The following CWF19L2 variants were observed in gnomAD, a reference collection of about 807,000 sequenced individuals.
CWF19L2 encodes CWF19 like cell cycle control factor 2.
CWF19L2 carries 98 observed loss-of-function variants against 111.7 expected under a neutral mutation model. The observed-to-expected ratio is 0.88, with a 90% confidence interval of 0.75 to 1.04. The LOEUF is 1.04. Ranked by LOEUF, CWF19L2 falls within the 50% of genes least tolerant of loss-of-function variation. The pLI, the probability that CWF19L2 is intolerant of heterozygous loss-of-function variation, is 0.00. For missense variants in CWF19L2, 1,101 were observed against 1,051.4 expected (o/e 1.05, Z -0.65); for synonymous variants, 351 against 342.9 (o/e 1.02, Z -0.26).
intron 8 of CWF19L2, among the ~76,000 whole-genome samples, chr11:107,428,040 T>C (rs1416993289): frequency 6.6e-6 from 1 of 152,106 alleles, no homozygotes; most frequent in Non-Finnish European, 1.5e-5. Context: ...TCCCACTCAT[T>C]TGGTGCTATT....
chr11:107,400,198 A>G (rs1283420542), intron 10 of CWF19L2, among the ~76,000 whole-genome samples: 1 of 152,104 alleles, frequency 6.6e-6, no homozygotes, highest in Non-Finnish European at 1.5e-5. Context: ...ACCCAGCAGA[A>G]AAAATGAAAT....
At chr11:107,445,548 G>A (rs1211040246) in intron 3 of CWF19L2, among the ~76,000 whole-genome samples, 3 of 151,290 alleles carry the variant, frequency 2.0e-5, no homozygotes, top group Non-Finnish European at 4.4e-5. Flanking sequence ...GGGTTGTGGT[G>A]AGCCAAGATC....
intron 12 of CWF19L2, among the ~76,000 whole-genome samples, chr11:107,358,854 G>T (rs571143239): frequency 6.6e-6 from 1 of 152,296 alleles, no homozygotes; most frequent in Non-Finnish European, 1.5e-5. Flanking sequence ...GCTGGTGTCA[G>T]GAGTAAAGCT....
rs764184596 is a variant in CWF19L2, at chr11:107,429,194, C to T, written c.1038G>A (p.Thr346=). The part of the protein sequence containing the change: ...EKDKRPGSLE[T]CRRESNPRQN... ...GCCTTGGGTTAGATTCTCTTCTACACGTTTCTAAAGACCCAGGTCTCTTAT... is the reference window on the plus strand; with the variant it reads ...GCCTTGGGTTAGATTCTCTTCTACATGTTTCTAAAGACCCAGGTCTCTTAT... The change falls in exon 8 of 18, where the codon ACG becomes ACA. Residue 346 remains threonine, a synonymous_variant. Coordinates refer to ENST00000282251, the MANE Select transcript of CWF19L2 (RefSeq NM_152434.3). The T allele has an allele frequency of 5.5e-5, 89 of 1,613,602 alleles. No homozygotes were observed. The highest frequency in any genetic ancestry group is 2.7e-4 in the East Asian group (12 of 44,876).
chr11:107,354,218 T>G lies in CWF19L2; in HGVS notation c.1873-482A>C, dbSNP rs149493975. On this transcript the variant is annotated intron_variant, in intron 12 of 17. Transcript: ENST00000282251. ...ACACAAATTTTATTTTCTTATTTTA[T>G]GTACCTCCTTAGGTAGTTATGAGAG... 6.6e-4 allele frequency among the ~76,000 whole-genome samples: 100 copies of G among 152,282 alleles called. 2 individuals are homozygous for G. In the East Asian group the frequency reaches 0.018, roughly 27 times the overall value.
At chr11:107,399,175 C>T (rs1289062813) in intron 10 of CWF19L2, among the ~76,000 whole-genome samples, 1 of 152,136 alleles carries the variant, frequency 6.6e-6, no homozygotes, top group Non-Finnish European at 1.5e-5. Flanking sequence ...CAAAAGTACA[C>T]AGGCAACAAA....
chr11:107,410,584 C>T (rs143779912), intron 10 of CWF19L2, among the ~76,000 whole-genome samples: 1 of 152,208 alleles, frequency 6.6e-6, no homozygotes, highest in Non-Finnish European at 1.5e-5. Context: ...TATGATACTT[C>T]GAATACTAAT....
chr11:107,353,706 TG>T lies in CWF19L2; in HGVS notation c.1902del (p.Tyr634Ter). 6.2e-7 allele frequency: 1 copy of T among 1,613,730 alleles called. No individual in the cohort carries two copies. Among genetic ancestry groups the T allele is most frequent in the Non-Finnish European group, 8.5e-7 (1 of 1,179,732 alleles). ...KFMGKTDGDY[Y>X]TLDDMFVSKA... Reference sequence around the variant, plus strand: ...TTGGAGACAAACATGTCATCCAGGGTGTAATAGTCTCCATCTGTTTTTCCCA... The same window carrying T: ...TTGGAGACAAACATGTCATCCAGGGTTAATAGTCTCCATCTGTTTTTCCCA... On this transcript the variant is annotated frameshift_variant, in exon 13 of 18. Transcript: ENST00000282251. LOFTEE classifies it high-confidence loss of function.
chr11:107,340,631 ATTC>A (rs1859992675), intron 14 of CWF19L2, among the ~76,000 whole-genome samples: 1 of 152,206 alleles, frequency 6.6e-6, no homozygotes, highest in Admixed American at 6.5e-5. Context: ...TTGCAACTGT[ATTC>A]TTCTTGTTCA....
chr11:107,435,380 C>A (rs760392792), intron 6 of CWF19L2, among the ~76,000 whole-genome samples: 1 of 151,948 alleles, frequency 6.6e-6, no homozygotes, highest in South Asian at 2.1e-4. Context: ...GTAATAAATA[C>A]CTATATGAAT....
intron 12 of CWF19L2, among the ~76,000 whole-genome samples, chr11:107,383,958 TG>T (rs1198157673): frequency 1.3e-5 from 2 of 152,208 alleles, no homozygotes; most frequent in African/African-American, 4.8e-5. Flanking sequence ...CCAAGATTAC[TG>T]AACTATTTTT....
chr11:107,330,644 C>CCACACACA (rs56313409), intron 16 of CWF19L2, among the ~76,000 whole-genome samples: 18 of 121,728 alleles, frequency 1.5e-4, no homozygotes, highest in East Asian at 4.9e-4. Flanking sequence ...ACCCCCCCCA[C>CCACACACA]CACACACACA....
At chr11:107,432,860 T>C (rs1861483710) in intron 7 of CWF19L2, among the ~76,000 whole-genome samples, 2 of 152,156 alleles carry the variant, frequency 1.3e-5, no homozygotes, top group Admixed American at 1.3e-4. Flanking sequence ...GCATTGGGCA[T>C]AGACAGTCAG....
intron 8 of CWF19L2, among the ~76,000 whole-genome samples, chr11:107,419,980 A>AGG (rs1368756289): frequency 6.6e-6 from 1 of 152,122 alleles, no homozygotes; most frequent in Non-Finnish European, 1.5e-5. Flanking sequence ...ACTTGAAGAT[A>AGG]GACTATGATA....
At chr11:107,434,263 A>C (rs1365982024) in intron 6 of CWF19L2, among the ~76,000 whole-genome samples, 2 of 152,100 alleles carry the variant, frequency 1.3e-5, no homozygotes, top group Non-Finnish European at 2.9e-5. Context: ...ACAAATAAGG[A>C]GGCTATGGAA....
At chr11:107,364,265 G>A (rs1413474458) in intron 12 of CWF19L2, among the ~76,000 whole-genome samples, 4 of 145,082 alleles carry the variant, frequency 2.8e-5, no homozygotes, top group East Asian at 2.1e-4. Flanking sequence ...ACAGATCAAC[G>A]AGACAGAAAG....
At position 107,429,255 on chromosome 11, in the gene CWF19L2, T is replaced by C; in HGVS notation, c.977A>G (p.Asn326Ser). 6.2e-7 allele frequency: 1 copy of C among 1,612,344 alleles called. No individual in the cohort carries two copies. Among genetic ancestry groups the C allele is most frequent in the Non-Finnish European group, 8.5e-7 (1 of 1,179,436 alleles). ...ACCAATAAATTTTTCATTATTGCTA[T>C]TTTTTGCAGTATCTGTTGTAGCATA... ...DRYATTDTAK[N>S]SNNEKFIGDE... The change falls in exon 8 of 18, where the codon AAT (asparagine) becomes AGT (serine). Residue 326 changes from asparagine to serine, a missense_variant. Asn to Ser is a conservative substitution (Grantham distance 46, BLOSUM62 1). Transcript: ENST00000282251.
intron 12 of CWF19L2, among the ~76,000 whole-genome samples, chr11:107,380,499 G>A (rs1860669470): frequency 6.6e-6 from 1 of 151,970 alleles, no homozygotes; most frequent in African/African-American, 2.4e-5. Flanking sequence ...TCAAGAACTG[G>A]GACCTGATCA....
chr11:107,427,310 T>C (rs1463456924), intron 8 of CWF19L2, among the ~76,000 whole-genome samples: 1 of 151,980 alleles, frequency 6.6e-6, no homozygotes, highest in East Asian at 1.9e-4. Context: ...CTCTGTACCA[T>C]CAAATTAACA....
Sources: gnomAD v4.1 joint callset for allele counts (sites outside exome capture counted in the v4.1 genomes callset) on GRCh38, gnomAD v4.1.1 for gene constraint, MANE v1.5 for transcripts, NCBI Gene and HGNC (gene_info 2026-07-23, HGNC 2026-07-21) for gene names.